Variants in NSMCE2 observed in about 807,000 individuals in gnomAD.
NSMCE2 encodes NSE2 SUMO ligase component of SMC5/6 complex.
A neutral mutation model predicts 23.8 loss-of-function variants in NSMCE2; 24 were observed. The ratio of observed to expected loss-of-function variants is 1.01; its 90% CI spans 0.73 to 1.42. The LOEUF is 1.42. Among genes scored for constraint, NSMCE2 ranks in the 40% most tolerant of loss-of-function variants. The probability of loss-of-function intolerance (pLI) is 0.00; values close to 1 mark genes in which losing one functional copy is unlikely to be tolerated. For missense variants in NSMCE2, 284 were observed against 296.5 expected, an observed-to-expected ratio of 0.96 and a Z score of 0.31; for synonymous variants, 92 against 94.1, an observed-to-expected ratio of 0.98 and a Z score of 0.13.
At chr8:125,210,565 A>G (rs1208694006) in intron 5 of NSMCE2, among the ~76,000 whole-genome samples, 3 of 152,188 alleles carry the variant, frequency 2.0e-5, no homozygotes, top group African/African-American at 7.2e-5. Context: ...CAGCATCTGC[A>G]CAATGTTAGT....
chr8:125,289,282 C>T (rs184880592), intron 5 of NSMCE2, among the ~76,000 whole-genome samples: 1 of 152,302 alleles, frequency 6.6e-6, no homozygotes, highest in Non-Finnish European at 1.5e-5. Context: ...ATCACTCATG[C>T]AGCTGTTGCA....
chr8:125,208,587 A>G (rs1410846568), intron 5 of NSMCE2, among the ~76,000 whole-genome samples: 1 of 152,238 alleles, frequency 6.6e-6, no homozygotes, highest in Non-Finnish European at 1.5e-5. Flanking sequence ...CATGAGAGAA[A>G]TATAAACTGA....
intron 5 of NSMCE2, among the ~76,000 whole-genome samples, chr8:125,309,474 G>A (rs758455151): frequency 1.3e-5 from 2 of 152,174 alleles, no homozygotes; most frequent in Non-Finnish European, 1.5e-5. Context: ...TGTAATCCCA[G>A]CACTTCGGGA....
chr8:125,115,482 G>C (rs1818961350), intron 3 of NSMCE2, among the ~76,000 whole-genome samples: 1 of 152,220 alleles, frequency 6.6e-6, no homozygotes, highest in Admixed American at 6.5e-5. Flanking sequence ...CGGGCTCAGT[G>C]GCTCACGCCT....
chr8:125,269,621 A>T (rs549849329), intron 5 of NSMCE2, among the ~76,000 whole-genome samples: 1 of 152,342 alleles, frequency 6.6e-6, no homozygotes, highest in Non-Finnish European at 1.5e-5. Context: ...GCTTTCTACA[A>T]GATCATTAAG....
intron 5 of NSMCE2, among the ~76,000 whole-genome samples, chr8:125,265,158 A>C (rs1826858514): frequency 1.3e-5 from 1 of 76,912 alleles, no homozygotes; most frequent in African/African-American, 3.1e-5. Context: ...GGCTTTATTT[A>C]ATTTTTTTTT....
chr8:125,207,831 A>G (rs1824174233), intron 5 of NSMCE2, among the ~76,000 whole-genome samples: 2 of 152,212 alleles, frequency 1.3e-5, no homozygotes, highest in African/African-American at 4.8e-5. Context: ...CCTCCAGCAG[A>G]TGAGTTCAGA....
intron 5 of NSMCE2, among the ~76,000 whole-genome samples, chr8:125,270,370 C>G (rs1827127343): frequency 6.6e-6 from 1 of 152,158 alleles, no homozygotes; most frequent in Admixed American, 6.5e-5. Flanking sequence ...GAGGCTAAGA[C>G]ATGAGAATCA....
chr8:125,120,753 TGGA>T (rs917056290), intron 3 of NSMCE2, among the ~76,000 whole-genome samples: 7 of 152,182 alleles, frequency 4.6e-5, no homozygotes, highest in African/African-American at 1.7e-4. Context: ...GAACCTAGTT[TGGA>T]GGAGAACTTG....
chr8:125,211,211 G>A (rs1824324727), intron 5 of NSMCE2, among the ~76,000 whole-genome samples: 1 of 152,092 alleles, frequency 6.6e-6, no homozygotes, highest in African/African-American at 2.4e-5. Context: ...GGTGATACAT[G>A]CACATAGTAC....
intron 5 of NSMCE2, among the ~76,000 whole-genome samples, chr8:125,267,894 G>A (rs78856090): frequency 0.11 from 16,949 of 151,978 alleles, 1,293 homozygotes; most frequent in African/African-American, 0.22. Context: ...GAATTAGGAA[G>A]GAAAGAGAAA....
intron 5 of NSMCE2, among the ~76,000 whole-genome samples, chr8:125,185,739 G>A (rs948862450): frequency 6.6e-6 from 1 of 152,082 alleles, no homozygotes; most frequent in African/African-American, 2.4e-5. Context: ...CCTATTACAT[G>A]TTAATATAAA....
chr8:125,277,969 A>G (rs1040116941), intron 5 of NSMCE2, among the ~76,000 whole-genome samples: 1 of 152,248 alleles, frequency 6.6e-6, no homozygotes, highest in Non-Finnish European at 1.5e-5. Context: ...TTAATTGGGT[A>G]TAAATACAAC....
intron 5 of NSMCE2, among the ~76,000 whole-genome samples, chr8:125,275,877 C>T (rs1015144799): frequency 2.0e-5 from 3 of 152,256 alleles, no homozygotes; most frequent in African/African-American, 7.2e-5. Context: ...CCTGCAAAAC[C>T]CAAGTGTCTT....
intron 5 of NSMCE2, among the ~76,000 whole-genome samples, chr8:125,301,801 T>A (rs1204636942): frequency 6.6e-6 from 1 of 151,990 alleles, no homozygotes; most frequent in East Asian, 1.9e-4. Flanking sequence ...TAGCTGGGAT[T>A]ATAGGCACCA....
chr8:125,311,049 G>C (rs1392876685), intron 5 of NSMCE2, among the ~76,000 whole-genome samples: 1 of 152,140 alleles, frequency 6.6e-6, no homozygotes, highest in African/African-American at 2.4e-5. Flanking sequence ...GATAAATTGG[G>C]GGTCAAAGTT....
chr8:125,137,137 G>A (rs184267413), intron 3 of NSMCE2, among the ~76,000 whole-genome samples: 1 of 152,092 alleles, frequency 6.6e-6, no homozygotes, highest in East Asian at 1.9e-4. Context: ...CGACAGATAG[G>A]AATATGAAAT....
chr8:125,174,718 T>C lies in NSMCE2; in HGVS notation c.265-7385T>C, dbSNP rs551737111. On this transcript the variant is annotated intron_variant, in intron 4 of 7. Transcript: ENST00000287437. ...GCTCGAAGGAGGAAAGGTGTTTCCA[T>C]GTTTGGTTGGCTGCTACTTAATAGT... Among the ~76,000 whole-genome samples, 7 of 152,336 alleles carry C rather than the reference T, an allele frequency of 4.6e-5. No homozygotes were observed. In the South Asian group the frequency reaches 1.4e-3, roughly 32 times the overall value.
intron 5 of NSMCE2, among the ~76,000 whole-genome samples, chr8:125,305,441 A>G (rs911176864): frequency 2.0e-5 from 3 of 152,190 alleles, no homozygotes; most frequent in African/African-American, 7.2e-5. Context: ...GGAGAAATGG[A>G]GTAGGGACAA....
Sources: gnomAD v4.1 joint callset for allele counts (sites outside exome capture counted in the v4.1 genomes callset) on GRCh38, gnomAD v4.1.1 for gene constraint, MANE v1.5 for transcripts, NCBI Gene and HGNC (gene_info 2026-07-23, HGNC 2026-07-21) for gene names.